The following ATP8A1 variants were observed in gnomAD, a reference collection of about 807,000 sequenced individuals.
ATP8A1 encodes ATPase phospholipid transporting 8A1.
Under a neutral mutation model 177.7 loss-of-function variants are expected in ATP8A1, and 90 were observed. The ratio of observed to expected loss-of-function variants is 0.51; its 90% CI spans 0.43 to 0.60. ATP8A1 has a LOEUF of 0.60. Ranked by LOEUF, ATP8A1 falls within the 20% of genes least tolerant of loss-of-function variation. The pLI is 0.00. For synonymous variants in ATP8A1, 493 were observed against 485.9 expected, an observed-to-expected ratio of 1.01 and a Z score of -0.19; for missense variants, 1,072 against 1,392.8, an observed-to-expected ratio of 0.77 and a Z score of 3.67.
intron 9 of ATP8A1, among the ~76,000 whole-genome samples, chr4:42,583,859 C>T (rs1473057546): frequency 6.6e-6 from 1 of 152,188 alleles, no homozygotes; most frequent in Non-Finnish European, 1.5e-5. Flanking sequence ...CATAGATTTG[C>T]TCAGCAACAA....
intron 24 of ATP8A1, among the ~76,000 whole-genome samples, chr4:42,492,194 A>C (rs922661014): frequency 3.3e-5 from 5 of 152,022 alleles, no homozygotes; most frequent in African/African-American, 1.2e-4. Flanking sequence ...GGTCCAAACA[A>C]AAACAAGTAT....
chr4:42,642,560 C>T (rs1481794412), intron 1 of ATP8A1, among the ~76,000 whole-genome samples: 2 of 152,176 alleles, frequency 1.3e-5, no homozygotes, highest in Non-Finnish European at 2.9e-5. Flanking sequence ...ACTGAAAAGA[C>T]CCAGCACATT....
At chr4:42,466,160 C>T (rs964532610) in intron 25 of ATP8A1, among the ~76,000 whole-genome samples, 27 of 151,380 alleles carry the variant, frequency 1.8e-4, no homozygotes, top group African/African-American at 6.1e-4. Flanking sequence ...GAAAACTACA[C>T]AATAAATTGT....
At chr4:42,455,841 C>T (rs1372219276) in intron 27 of ATP8A1, among the ~76,000 whole-genome samples, 1 of 152,110 alleles carries the variant, frequency 6.6e-6, no homozygotes, top group Non-Finnish European at 1.5e-5. Context: ...TATGAACAGG[C>T]AATCACGATT....
intron 35 of ATP8A1, among the ~76,000 whole-genome samples, chr4:42,421,617 A>T (rs186157536): frequency 6.6e-6 from 1 of 152,288 alleles, no homozygotes; most frequent in Admixed American, 6.5e-5. Flanking sequence ...AGTGGCACAC[A>T]CTGGTGTGTG....
At chr4:42,598,339 AG>A (rs1173973868) in intron 6 of ATP8A1, among the ~76,000 whole-genome samples, 16 of 152,104 alleles carry the variant, frequency 1.1e-4, no homozygotes, top group African/African-American at 3.6e-4. Flanking sequence ...GCCTTATTTC[AG>A]GGCACTATAT....
chr4:42,451,154 C>T (rs947799601), intron 30 of ATP8A1, among the ~76,000 whole-genome samples: 7 of 152,184 alleles, frequency 4.6e-5, no homozygotes, highest in Non-Finnish European at 7.3e-5. Flanking sequence ...GCAGGGATCA[C>T]TCTGGCTACC....
chr4:42,620,395 A>G (rs1212014719), intron 4 of ATP8A1, among the ~76,000 whole-genome samples: 1 of 152,242 alleles, frequency 6.6e-6, no homozygotes, highest in African/African-American at 2.4e-5. Flanking sequence ...CTGCATGATT[A>G]GCAACTTTCT....
At chr4:42,579,368 A>AATATATTT (rs1732788338) in intron 11 of ATP8A1, among the ~76,000 whole-genome samples, 1 of 34,990 alleles carries the variant, frequency 2.9e-5, no homozygotes, top group South Asian at 1.2e-3. Context: ...ATTTAAGATA[A>AATATATTT]AATATATTTA....
chr4:42,555,139 A>ATCTATCTATCTATCTTATCT (rs1553903246), intron 16 of ATP8A1, among the ~76,000 whole-genome samples: 5 of 59,528 alleles, frequency 8.4e-5, no homozygotes, highest in African/African-American at 2.1e-4. Context: ...CTATCTATCT[A>ATCTATCTATCTATCTTATCT]ATCTATCTAT....
rs1191462948 is a variant in ATP8A1, at chr4:42,588,323, G to A, written c.531C>T (p.Pro177=). Residue 177 remains proline (P), a synonymous_variant, in exon 8 of 37, where the codon CCC becomes CCT. Transcript: ENST00000381668. The stretch of plus-strand genomic sequence containing the variant: ...ATGTTTCAATGTAGCACATGGCTTG[G>A]GGCTCACTGTAGTTTGGAGTTGAGA... ...ADLISLSSSE[P]QAMCYIETSN... The A allele has an allele frequency of 1.9e-6, 3 of 1,613,088 alleles. No homozygotes were observed. The African/African-American group carries it at 4.0e-5, about 22-fold the overall frequency.
rs1218183485 is a variant in ATP8A1, at chr4:42,586,248, C to T, written c.722+101G>A. ...TTAAAAAGGGTTTTGAGGACTCAAA[C>T]TTAGCACACAAGAAGATAATATGTA... is the stretch of plus-strand genomic sequence containing the variant. On this transcript the variant is annotated intron_variant, in intron 9 of 36. Coordinates refer to ENST00000381668, the MANE Select transcript of ATP8A1 (RefSeq NM_006095.2). The T allele has an allele frequency of 1.6e-5, 23 of 1,399,508 alleles. No homozygotes were observed. In the East Asian group the frequency reaches 4.7e-4, roughly 29 times the overall value. 86.7% of individuals were successfully genotyped at this position (1,399,508 alleles called of 1,614,324 possible). A position where few individuals can be genotyped will look rare whatever the true frequency, so the allele number is the denominator to read the frequency against.
intron 22 of ATP8A1, among the ~76,000 whole-genome samples, chr4:42,517,564 C>G (rs6840498): frequency 0.01 from 1,579 of 152,276 alleles, 25 homozygotes; most frequent in African/African-American, 0.037. Flanking sequence ...TGAAATATCC[C>G]ATATGATAAT....
rs116103827 is a variant in ATP8A1 at position 42,448,720 on chromosome 4, T to C, written c.2897-2076A>G. Among the ~76,000 whole-genome samples, 554 of 151,002 alleles carry C rather than the reference T, an allele frequency of 3.7e-3. 6 individuals carry two copies. The highest frequency in any genetic ancestry group is 0.013 in the African/African-American group (528 of 41,112). ...GCCAACAAGTAGTTTCTCAAAGTGG[T>C]AGAGGTAGTTTCTTAAAGGTTGGTT... On this transcript the variant is annotated intron_variant, in intron 30 of 36. Transcript: ENST00000381668.
At chr4:42,636,151 C>CGCGCGCGTGCGT (rs1739337517) in intron 1 of ATP8A1, among the ~76,000 whole-genome samples, 4 of 43,194 alleles carry the variant, frequency 9.3e-5, no homozygotes, top group African/African-American at 2.9e-4. Flanking sequence ...CACACACACA[C>CGCGCGCGTGCGT]ACACACGCAC....
intron 11 of ATP8A1, among the ~76,000 whole-genome samples, chr4:42,578,854 A>C (rs1732734962): frequency 6.6e-6 from 1 of 152,114 alleles, no homozygotes; most frequent in Non-Finnish European, 1.5e-5. Flanking sequence ...TCCTAGGTAC[A>C]TTATACTCTT....
chr4:42,453,252 G>A (rs1577962317), intron 29 of ATP8A1, among the ~76,000 whole-genome samples: 1 of 152,126 alleles, frequency 6.6e-6, no homozygotes, highest in East Asian at 1.9e-4. Flanking sequence ...CAATGCTCCC[G>A]CACTTGGAAC....
intron 33 of ATP8A1, among the ~76,000 whole-genome samples, chr4:42,442,520 A>G (rs1391557514): frequency 1.3e-5 from 2 of 152,218 alleles, no homozygotes; most frequent in African/African-American, 4.8e-5. Context: ...TATGTTTCAA[A>G]AGAAGCCTTC....
intron 22 of ATP8A1, among the ~76,000 whole-genome samples, chr4:42,508,155 T>C (rs1441562654): frequency 6.6e-6 from 1 of 152,202 alleles, no homozygotes; most frequent in Non-Finnish European, 1.5e-5. Context: ...TATTTTGAGA[T>C]GGAGTCTTGC....
Sources: allele counts gnomAD v4.1 joint callset (sites outside exome capture counted in the v4.1 genomes callset), GRCh38; gene constraint gnomAD v4.1.1; transcripts MANE v1.5; gene names NCBI Gene and HGNC (gene_info 2026-07-23, HGNC 2026-07-21).